The following SRPK2 variants were observed in gnomAD, a reference collection of about 807,000 sequenced individuals.
The protein encoded by SRPK2 is SFRS protein kinase 2.
A neutral mutation model predicts 90.8 loss-of-function variants in SRPK2; 21 were observed. The observed-to-expected ratio is 0.23, with a 90% CI of 0.16 to 0.33. The LOEUF (loss-of-function observed/expected upper bound fraction) is 0.33. Among genes scored for constraint, SRPK2 ranks in the 10% least tolerant of loss-of-function variants. The pLI, the probability that SRPK2 is intolerant of heterozygous loss-of-function variation, is 1.00. For missense variants in SRPK2, 620 were observed against 869.0 expected, an observed-to-expected ratio of 0.71 and a Z score of 3.60; for synonymous variants, 288 against 311.1, an observed-to-expected ratio of 0.93 and a Z score of 0.78.
intron 2 of SRPK2, among the ~76,000 whole-genome samples, chr7:105,233,445 T>C (rs1799759440): frequency 1.3e-5 from 2 of 152,166 alleles, no homozygotes; most frequent in Non-Finnish European, 2.9e-5. Context: ...ACAAAGATAA[T>C]GGACTGACAG....
At chr7:105,205,916 A>C in intron 2 of SRPK2, 1 of 500,130 alleles carries the variant, frequency 2.0e-6, no homozygotes, top group Non-Finnish European at 4.0e-6. Flanking sequence ...AAAAATGAGT[A>C]CATTCTCTGA....
At chr7:105,193,944 T>C (rs1248830132) in intron 3 of SRPK2, among the ~76,000 whole-genome samples, 2 of 152,204 alleles carry the variant, frequency 1.3e-5, no homozygotes, top group Non-Finnish European at 2.9e-5. Flanking sequence ...CTAATCAATA[T>C]ACAGAACATT....
chr7:105,163,730 G>C (rs565794093), intron 6 of SRPK2, among the ~76,000 whole-genome samples: 1 of 152,286 alleles, frequency 6.6e-6, no homozygotes, highest in African/African-American at 2.4e-5. Flanking sequence ...AGAATCTCTT[G>C]AACCCGGGAG....
chr7:105,347,540 TGAGGGG>T (rs983940780), intron 2 of SRPK2, among the ~76,000 whole-genome samples: 8 of 151,548 alleles, frequency 5.3e-5, no homozygotes, highest in African/African-American at 1.9e-4. Context: ...AGCCGAAGAA[TGAGGGG>T]GAGGGGGAGG....
At chr7:105,248,394 T>C (rs1032313429) in intron 2 of SRPK2, among the ~76,000 whole-genome samples, 2 of 141,086 alleles carry the variant, frequency 1.4e-5, no homozygotes, top group Non-Finnish European at 3.0e-5. Context: ...AATCTGAGAG[T>C]AGACTGAGCA....
intron 2 of SRPK2, among the ~76,000 whole-genome samples, chr7:105,283,771 G>A (rs991939145): frequency 4.6e-5 from 7 of 152,012 alleles, no homozygotes; most frequent in Admixed American, 2.6e-4. Context: ...CAGGCAAGTC[G>A]TTTGAGCCCA....
upstream of SRPK2, among the ~76,000 whole-genome samples, chr7:105,393,459 CT>C (rs58162170): frequency 0.19 from 15,568 of 81,102 alleles, 1,336 homozygotes; most frequent in East Asian, 0.49. Context: ...TCTGGTTTTT[CT>C]TTTTTTTTTT....
rs58717493 is a variant in SRPK2, at chr7:105,245,034, AACACACACACAC to A, written c.72-41261_72-41250del. On this transcript the variant is annotated intron_variant, in intron 2 of 15. Transcript: ENST00000393651. Reference sequence around the variant, plus strand: ...TTGAGAGGAAAAACAAAACAAAACAAACACACACACACACACACACACACACACACACACACA... The same window carrying A: ...TTGAGAGGAAAAACAAAACAAAACAAACACACACACACACACACACACACA... 1.7e-3 allele frequency: 865 copies of A among 524,168 alleles called. 6 individuals carry two copies. In the East Asian group the frequency reaches 0.02, roughly 12 times the overall value. The allele number at this position is 524,168 out of a possible 1,614,324, so 32.5% of individuals were successfully genotyped here.
At chr7:105,278,472 G>A (rs1158416145) in intron 2 of SRPK2, among the ~76,000 whole-genome samples, 7 of 148,168 alleles carry the variant, frequency 4.7e-5, no homozygotes, top group African/African-American at 7.5e-5. Context: ...TCCGCAGTTC[G>A]AGACCAGCCT....
At chr7:105,220,102 G>C (rs575626659) in intron 2 of SRPK2, among the ~76,000 whole-genome samples, 1 of 152,170 alleles carries the variant, frequency 6.6e-6, no homozygotes, top group Non-Finnish European at 1.5e-5. Flanking sequence ...TTAATCAAGT[G>C]ATTAATGTTT....
intron 2 of SRPK2, among the ~76,000 whole-genome samples, chr7:105,382,255 A>G (rs1405123312): frequency 6.6e-6 from 1 of 150,590 alleles, no homozygotes; most frequent in Non-Finnish European, 1.5e-5. Context: ...CTTGTTACCA[A>G]TAAAAAGGAA....
At position 105,347,281 on chromosome 7, in the gene SRPK2, T is replaced by C. The variant is rs1226307135; in HGVS notation, c.71+41367A>G. On this transcript the variant is annotated intron_variant, in intron 2 of 15. Coordinates refer to ENST00000393651, the MANE Select transcript of SRPK2 (RefSeq NM_182692.3). ...CTTGCTATGTTGCCCAGGCTGGTCT[T>C]AAACTCCTGGACTCAAGCAATCCTC... is the stretch of plus-strand genomic sequence containing the variant. Among the ~76,000 whole-genome samples the C allele has an allele frequency of 2.0e-5, 3 of 151,950 alleles. No homozygotes were observed. In the East Asian group the frequency reaches 5.8e-4, roughly 30 times the overall value.
chr7:105,367,274 T>C (rs1459458473), intron 2 of SRPK2, among the ~76,000 whole-genome samples: 1 of 151,940 alleles, frequency 6.6e-6, no homozygotes, highest in African/African-American at 2.4e-5. Context: ...TGTTTTGTTT[T>C]GTTTTTGAGA....
chr7:105,371,134 T>C (rs575200171), intron 2 of SRPK2, among the ~76,000 whole-genome samples: 2 of 152,294 alleles, frequency 1.3e-5, no homozygotes, highest in South Asian at 4.1e-4. Context: ...TCAGGCATGG[T>C]GGCTCACGTC....
At chr7:105,340,667 C>T (rs1303707389) in intron 2 of SRPK2, among the ~76,000 whole-genome samples, 1 of 152,114 alleles carries the variant, frequency 6.6e-6, no homozygotes, top group Non-Finnish European at 1.5e-5. Context: ...TTATCTCAAA[C>T]TCCTGGGCTC....
At chr7:105,335,626 C>CG (rs930875084) in intron 2 of SRPK2, among the ~76,000 whole-genome samples, 1 of 145,992 alleles carries the variant, frequency 6.8e-6, no homozygotes, top group Non-Finnish European at 1.5e-5. Flanking sequence ...CACTCCAGCC[C>CG]GGGTGACAGA....
intron 6 of SRPK2, among the ~76,000 whole-genome samples, chr7:105,165,174 T>A (rs1789874110): frequency 6.6e-6 from 1 of 152,172 alleles, no homozygotes; most frequent in South Asian, 2.1e-4. Context: ...TGCCAACTCC[T>A]CAGGTAGAGG....
At chr7:105,312,941 AAGTT>A (rs1811884478) in intron 2 of SRPK2, among the ~76,000 whole-genome samples, 1 of 152,188 alleles carries the variant, frequency 6.6e-6, no homozygotes, top group Admixed American at 6.6e-5. Context: ...CCAGGCAAGA[AAGTT>A]TCTCTTTACA....
intron 2 of SRPK2, among the ~76,000 whole-genome samples, chr7:105,271,179 A>C (rs1001318333): frequency 2.6e-5 from 4 of 152,248 alleles, no homozygotes; most frequent in Non-Finnish European, 4.4e-5. Flanking sequence ...CAAAACAACA[A>C]AAAGTTCACA....
Sources: allele counts gnomAD v4.1 joint callset (sites outside exome capture counted in the v4.1 genomes callset), GRCh38; gene constraint gnomAD v4.1.1; transcripts MANE v1.5; gene names NCBI Gene and HGNC (gene_info 2026-07-23, HGNC 2026-07-21).